Variants in CYFIP2 observed in about 807,000 individuals in gnomAD.
The protein encoded by CYFIP2 is cytoplasmic FMR1 interacting protein 2.
Under a neutral mutation model 158.7 loss-of-function variants are expected in CYFIP2, and 29 were observed. The observed-to-expected ratio is 0.18, with a 90% CI of 0.14 to 0.25. The LOEUF is 0.25. CYFIP2 is among the 10% of genes least tolerant of loss of function. The pLI is 1.00. For missense variants in CYFIP2, 852 were observed against 1,639.5 expected, an observed-to-expected ratio of 0.52 and a Z score of 8.29; for synonymous variants, 585 against 617.6, an observed-to-expected ratio of 0.95 and a Z score of 0.78.
chr5:157,336,371 T>G (rs989753278), intron 21 of CYFIP2, among the ~76,000 whole-genome samples: 7 of 152,196 alleles, frequency 4.6e-5, no homozygotes, highest in Non-Finnish European at 8.8e-5. Flanking sequence ...TGTTTAACAT[T>G]TGGAAGAAAT....
chr5:157,336,566 T>C (rs1005429930), intron 21 of CYFIP2, among the ~76,000 whole-genome samples: 1 of 152,228 alleles, frequency 6.6e-6, no homozygotes, highest in Non-Finnish European at 1.5e-5. Flanking sequence ...TTGAGACCTT[T>C]GCTCTCTCAC....
intron 24 of CYFIP2, among the ~76,000 whole-genome samples, chr5:157,359,430 C>T (rs1763645354): frequency 6.6e-5 from 10 of 152,184 alleles, no homozygotes; most frequent in Admixed American, 6.5e-4. Context: ...TGATATTGTC[C>T]TTCAGCGCTT....
Position 157,286,242 on chromosome 5 carries a change from T to C in CYFIP2, c.117+764T>C, listed in dbSNP as rs7728291. Among the ~76,000 whole-genome samples the C allele has an allele frequency of 5.4e-3, 822 of 152,134 alleles. 8 individuals carry two copies. The highest frequency in any genetic ancestry group is 0.019 in the African/African-American group (787 of 41,516). On this transcript the variant is annotated intron_variant, in intron 2 of 30. Coordinates refer to ENST00000620254, the MANE Select transcript of CYFIP2 (RefSeq NM_001037333.3). ...TTTAATTATACAAATATCTTTTTTA[T>C]TATAAGCAATACAGAAAAGTATACA...
At chr5:157,357,516 T>C (rs993657547) in intron 23 of CYFIP2, among the ~76,000 whole-genome samples, 1 of 152,066 alleles carries the variant, frequency 6.6e-6, no homozygotes. Context: ...GCAATTCCAG[T>C]TGGGAGAACT....
intron 23 of CYFIP2, among the ~76,000 whole-genome samples, chr5:157,353,470 A>T (rs1020984054): frequency 6.6e-6 from 1 of 152,246 alleles, no homozygotes; most frequent in Non-Finnish European, 1.5e-5. Context: ...AAGGCCAAGA[A>T]GGAACCCAGA....
At position 157,361,383 on chromosome 5, in the gene CYFIP2, C is replaced by G; in HGVS notation, c.2909-85C>G. ...GCTTTTTGCTATCCCAGAGTCAGGTCTGGGGCTGCCACTCAGTCATTGTTT... is the reference window on the plus strand; with the variant it reads ...GCTTTTTGCTATCCCAGAGTCAGGTGTGGGGCTGCCACTCAGTCATTGTTT... On this transcript the variant is annotated intron_variant, in intron 25 of 30. Coordinates refer to ENST00000620254, the MANE Select transcript of CYFIP2 (RefSeq NM_001037333.3). This position sits in a 1 kb window ranked among gnomAD's most constrained non-coding sequence, Gnocchi z 4.4. The G allele has an allele frequency of 1.3e-6, 2 of 1,583,526 alleles. No homozygotes were observed. Among genetic ancestry groups the G allele is most frequent in the Non-Finnish European group, 8.6e-7 (1 of 1,159,034 alleles).
chr5:157,391,427 C>T (rs771708103), intron 30 of CYFIP2, among the ~76,000 whole-genome samples: 19 of 152,168 alleles, frequency 1.2e-4, no homozygotes, highest in African/African-American at 3.9e-4. Context: ...ACTGAAACTC[C>T]GGGCCCATTA....
rs143827998 is a variant in CYFIP2, at chr5:157,324,426, G to C, written c.1825+352G>C. On this transcript the variant is annotated intron_variant, in intron 16 of 30. Transcript: ENST00000620254. Reference sequence around the variant, plus strand: ...AACCAAGCGCTAATTAGTACTTGCTGCTGCCAGCAGGGGAGGCTCTCGAGC... The same window carrying C: ...AACCAAGCGCTAATTAGTACTTGCTCCTGCCAGCAGGGGAGGCTCTCGAGC... Among the ~76,000 whole-genome samples, 405 of 152,288 alleles carry C rather than the reference G, an allele frequency of 2.7e-3. 2 individuals carry two copies. The highest frequency in any genetic ancestry group is 9.2e-3 in the African/African-American group (382 of 41,554).
chr5:157,275,883 C>T (rs1756501638), intron 1 of CYFIP2, among the ~76,000 whole-genome samples: 2 of 152,064 alleles, frequency 1.3e-5, no homozygotes, highest in South Asian at 4.1e-4. Flanking sequence ...AAGTTTATTT[C>T]TAAGTATTGT....
intron 23 of CYFIP2, among the ~76,000 whole-genome samples, chr5:157,355,621 A>C (rs1763359349): frequency 6.6e-6 from 1 of 152,226 alleles, no homozygotes; most frequent in Non-Finnish European, 1.5e-5. Context: ...CAGACAAGCT[A>C]GAAAAGAAGT....
intron 20 of CYFIP2, 114 bp from the exon 21 acceptor site, chr5:157,333,213 C>T: frequency 7.3e-7 from 1 of 1,366,332 alleles, no homozygotes; most frequent in East Asian, 2.3e-5. Flanking sequence ...ACCCCTCCCA[C>T]CTGGCAGTCT....
At chr5:157,378,031 T>C (rs984020510) in intron 26 of CYFIP2, among the ~76,000 whole-genome samples, 3 of 152,150 alleles carry the variant, frequency 2.0e-5, no homozygotes, top group Admixed American at 2.0e-4. Context: ...CTGGAGGGGC[T>C]TGGAAGACTC....
rs572310076 is a variant in CYFIP2 at position 157,365,354 on chromosome 5, C to A, written c.3039+3756C>A. ...TCTTTTTCTGCCTTTTTTTAAAAAA[C>A]AGATTAATATATCATTGATAGGTAG... On this transcript the variant is annotated intron_variant, in intron 26 of 30. Transcript: ENST00000620254. 16 of 152,158 alleles carry A rather than the reference C, an allele frequency of 1.1e-4. No individual in the cohort carries two copies. The East Asian group carries it at 3.1e-3, about 29-fold the overall frequency. 9.4% of individuals were successfully genotyped at this position (152,158 alleles called of 1,614,324 possible). A position where few individuals can be genotyped will look rare whatever the true frequency, so the allele number is the denominator to read the frequency against.
At chr5:157,386,340 C>T (rs1766682765) in intron 28 of CYFIP2, among the ~76,000 whole-genome samples, 1 of 152,116 alleles carries the variant, frequency 6.6e-6, no homozygotes, top group African/African-American at 2.4e-5. Flanking sequence ...GCCTCAGCCT[C>T]CCGAGAAGCT....
intron 21 of CYFIP2, among the ~76,000 whole-genome samples, chr5:157,338,802 C>T (rs921668219): frequency 5.9e-5 from 9 of 152,202 alleles, no homozygotes; most frequent in African/African-American, 2.2e-4. Flanking sequence ...AGGGGGTAGG[C>T]GTGCAACCTC....
At chr5:157,364,204 C>CGGGGGGGGGGGGGGGGGGGGGG (rs926942944) in intron 26 of CYFIP2, 4 of 38,300 alleles carry the variant, frequency 1.0e-4, no homozygotes, top group Non-Finnish European at 1.8e-4. Flanking sequence ...GGCGGGGTGG[C>CGGGGGGGGGGGGGGGGGGGGGG]GGGGGGGGGT....
chr5:157,380,503 T>C (rs574371140), intron 26 of CYFIP2, among the ~76,000 whole-genome samples: 19 of 152,332 alleles, frequency 1.2e-4, no homozygotes, highest in African/African-American at 4.3e-4. Context: ...TCCCCTGTTA[T>C]AATTTTGGAA....
chr5:157,363,035 C>G (rs1051925664), intron 26 of CYFIP2: 11 of 152,306 alleles, frequency 7.2e-5, no homozygotes, highest in African/African-American at 2.7e-4. Flanking sequence ...AAGCACACCC[C>G]CCGTACATCT....
At chr5:157,355,416 C>T (rs1763347301) in intron 23 of CYFIP2, among the ~76,000 whole-genome samples, 1 of 152,136 alleles carries the variant, frequency 6.6e-6, no homozygotes, top group Admixed American at 6.5e-5. Context: ...TGCCAGGCAC[C>T]ATGCTGACTG....
Sources: allele counts gnomAD v4.1 joint callset (sites outside exome capture counted in the v4.1 genomes callset), GRCh38; gene constraint gnomAD v4.1.1; non-coding constraint Gnocchi (gnomAD v3.1); transcripts MANE v1.5; gene names NCBI Gene and HGNC (gene_info 2026-07-23, HGNC 2026-07-21).